Variants in RBFOX2 observed in about 807,000 individuals in gnomAD.
RBFOX2 encodes the protein RNA binding fox-1 homolog 2, also known as RNA binding protein fox-1 homolog 2.
RBFOX2 carries 10 observed loss-of-function variants against 49.1 expected under a neutral mutation model. That is an observed-to-expected ratio of 0.20 (90% CI 0.13 to 0.35). RBFOX2 has a LOEUF of 0.35. Among genes scored for constraint, RBFOX2 ranks in the 10% least tolerant of loss-of-function variants. The probability of loss-of-function intolerance (pLI) is 1.00; values close to 1 mark genes in which losing one functional copy is unlikely to be tolerated. For missense variants in RBFOX2, 323 were observed against 486.9 expected, an observed-to-expected ratio of 0.66 and a Z score of 3.17; for synonymous variants, 183 against 187.4, an observed-to-expected ratio of 0.98 and a Z score of 0.19.
At chr22:35,887,194 C>A (rs527562482) in intron 1 of RBFOX2, among the ~76,000 whole-genome samples, 1 of 152,046 alleles carries the variant, frequency 6.6e-6, no homozygotes, top group East Asian at 1.9e-4. Context: ...AGGCGGCTTT[C>A]CTAAATAACT....
At chr22:35,825,007 G>T (rs1169815681) in intron 1 of RBFOX2, among the ~76,000 whole-genome samples, 1 of 152,202 alleles carries the variant, frequency 6.6e-6, no homozygotes, top group Non-Finnish European at 1.5e-5. Flanking sequence ...ATCACATGAG[G>T]TCAGGAGTTC....
intron 1 of RBFOX2, among the ~76,000 whole-genome samples, chr22:35,931,847 A>C (rs2052455301): frequency 6.6e-6 from 1 of 152,224 alleles, no homozygotes; most frequent in Admixed American, 6.5e-5. Flanking sequence ...AATGTTTTTC[A>C]AACAGGTTGC....
upstream of RBFOX2, chr22:35,840,629 TGC>T (rs1026285154): frequency 3.4e-5 from 36 of 1,062,846 alleles, no homozygotes; most frequent in Middle Eastern, 4.3e-4. Context: ...TGTGCGTGTG[TGC>T]GTGTGTGTGT....
upstream of RBFOX2, among the ~76,000 whole-genome samples, chr22:35,964,518 C>G (rs576387832): frequency 6.6e-6 from 1 of 152,078 alleles, no homozygotes; most frequent in Non-Finnish European, 1.5e-5. Flanking sequence ...GAATTAATTT[C>G]ATAATATTTG....
At chr22:35,961,606 ACT>A in exon 1 of RBFOX2, 1 of 1,302,988 alleles carries the variant, frequency 7.7e-7, no homozygotes. Flanking sequence ...TGATGACATC[ACT>A]CTCTCTTCCT....
At chr22:35,929,431 T>C (rs2052082123) in intron 1 of RBFOX2, among the ~76,000 whole-genome samples, 1 of 151,830 alleles carries the variant, frequency 6.6e-6, no homozygotes, top group Admixed American at 6.6e-5. Context: ...ATAGCCAAGT[T>C]GGAAACAATA....
intron 1 of RBFOX2, among the ~76,000 whole-genome samples, chr22:35,848,398 CATT>C (rs1319424229): frequency 2.0e-5 from 3 of 152,072 alleles, no homozygotes; most frequent in African/African-American, 7.2e-5. Context: ...ACAGTTATAT[CATT>C]AATATAAAAC....
chr22:36,018,720 TCTC>T (rs2059136265), intron 1 of RBFOX2, among the ~76,000 whole-genome samples: 1 of 152,104 alleles, frequency 6.6e-6, no homozygotes, highest in Non-Finnish European at 1.5e-5. Context: ...TTCAAACAAT[TCTC>T]CTGCCTCAGC....
upstream of RBFOX2, among the ~76,000 whole-genome samples, chr22:35,942,542 C>A (rs1000834711): frequency 3.9e-5 from 6 of 151,926 alleles, no homozygotes; most frequent in African/African-American, 1.2e-4. Flanking sequence ...ATTTCAACAT[C>A]CCACCTGCAA....
At chr22:35,906,602 C>A (rs2049150422) in intron 1 of RBFOX2, among the ~76,000 whole-genome samples, 1 of 152,166 alleles carries the variant, frequency 6.6e-6, no homozygotes, top group Non-Finnish European at 1.5e-5. Context: ...AGGCAGATCT[C>A]TTCAGGTCAG....
upstream of RBFOX2, among the ~76,000 whole-genome samples, chr22:35,965,256 T>C (rs549969912): frequency 1.3e-5 from 2 of 152,278 alleles, no homozygotes; most frequent in South Asian, 4.2e-4. Context: ...ACTTGAACTT[T>C]GAAGAATTTT....
chr22:35,825,287 G>T (rs1569282176), intron 1 of RBFOX2, among the ~76,000 whole-genome samples: 1 of 152,120 alleles, frequency 6.6e-6, no homozygotes, highest in Non-Finnish European at 1.5e-5. Context: ...AGGAACCAAA[G>T]GCTCCAAGAC....
chr22:35,934,678 G>A (rs375615430), intron 1 of RBFOX2, among the ~76,000 whole-genome samples: 4 of 152,190 alleles, frequency 2.6e-5, no homozygotes, highest in Admixed American at 6.5e-5. Context: ...AATAATCTTC[G>A]CAAAAACAGT....
intron 4 of RBFOX2, among the ~76,000 whole-genome samples, chr22:35,770,019 G>T (rs938199615): frequency 6.6e-6 from 1 of 152,140 alleles, no homozygotes; most frequent in Admixed American, 6.6e-5. Context: ...TAAAGAATGT[G>T]TAAGTTTGTT....
chr22:36,019,001 A>G (rs2059147888), intron 1 of RBFOX2, among the ~76,000 whole-genome samples: 1 of 152,206 alleles, frequency 6.6e-6, no homozygotes. Context: ...AGACAACACA[A>G]AGGCATCCCA....
At chr22:35,952,611 T>C (rs1298035102) in intron 1 of RBFOX2, among the ~76,000 whole-genome samples, 1 of 152,186 alleles carries the variant, frequency 6.6e-6, no homozygotes, top group Non-Finnish European at 1.5e-5. Context: ...ATTTAATAAG[T>C]CCATCAGCAA....
chr22:35,984,313 T>C (rs1056160715), intron 1 of RBFOX2, among the ~76,000 whole-genome samples: 2 of 152,176 alleles, frequency 1.3e-5, no homozygotes, highest in Non-Finnish European at 2.9e-5. Context: ...TAACGCACAG[T>C]TGGCTAATAT....
chr22:35,772,369 T>C (rs1165222515), intron 4 of RBFOX2, among the ~76,000 whole-genome samples: 1 of 152,186 alleles, frequency 6.6e-6, no homozygotes, highest in African/African-American at 2.4e-5. Flanking sequence ...TAACAATGTA[T>C]TTTATTTAAC....
At chr22:35,968,307 G>A (rs2056681827) in intron 1 of RBFOX2, among the ~76,000 whole-genome samples, 1 of 152,184 alleles carries the variant, frequency 6.6e-6, no homozygotes, top group Non-Finnish European at 1.5e-5. Flanking sequence ...AGTAAACAGA[G>A]TCATCGAGTT....
Sources: allele counts gnomAD v4.1 joint callset (sites outside exome capture counted in the v4.1 genomes callset), GRCh38; gene constraint gnomAD v4.1.1; transcripts MANE v1.5; gene names NCBI Gene and HGNC (gene_info 2026-07-23, HGNC 2026-07-21).